Variants in ZNF91 observed in about 807,000 individuals in gnomAD.
ZNF91 encodes zinc finger protein 91 (HPF7, HTF10).
ZNF91 carries 7 observed loss-of-function variants against 12.6 expected under a neutral mutation model. That is an observed-to-expected ratio of 0.55 (90% confidence interval 0.31 to 1.04). The LOEUF (loss-of-function observed/expected upper bound fraction) is 1.04. Ranked by LOEUF, ZNF91 falls within the 50% of genes least tolerant of loss-of-function variation. The pLI, the probability that ZNF91 is intolerant of heterozygous loss-of-function variation, is 0.05. For missense variants in ZNF91, 1,217 were observed against 1,385.4 expected (o/e 0.88, Z 1.93); for synonymous variants, 453 against 462.6 (o/e 0.98, Z 0.27).
intron 3 of ZNF91, among the ~76,000 whole-genome samples, chr19:23,368,510 A>ATCTCTCTCTCTCTC (rs573590418): frequency 2.5e-4 from 24 of 94,324 alleles, no homozygotes; most frequent in Non-Finnish European, 4.2e-4. Flanking sequence ...GCGAAACTCC[A>ATCTCTCTCTCTCTC]TCTCTCTCTC....
chr19:23,368,275 G>C (rs1216178631), intron 3 of ZNF91, among the ~76,000 whole-genome samples: 1 of 152,108 alleles, frequency 6.6e-6, no homozygotes, highest in Admixed American at 6.5e-5. Context: ...ACTTTGGGAG[G>C]CTGAGATAGG....
upstream of ZNF91, among the ~76,000 whole-genome samples, chr19:23,314,248 T>A (rs532107789): frequency 5.3e-4 from 80 of 152,286 alleles, no homozygotes; most frequent in African/African-American, 1.7e-3. Flanking sequence ...GGACCCATTA[T>A]CTATTTGATG....
intron 1 of ZNF91, among the ~76,000 whole-genome samples, chr19:23,321,041 T>C (rs1967682288): frequency 6.6e-6 from 1 of 152,196 alleles, no homozygotes; most frequent in African/African-American, 2.4e-5. Flanking sequence ...ACAGTTGAGA[T>C]TGTGACTCAT....
At chr19:23,363,476 A>G (rs1045975050) in intron 3 of ZNF91, among the ~76,000 whole-genome samples, 1 of 152,224 alleles carries the variant, frequency 6.6e-6, no homozygotes, top group Admixed American at 6.5e-5. Flanking sequence ...ACTCTTAATT[A>G]AGACATAAAC....
chr19:23,349,441 T>C (rs977307836), intron 3 of ZNF91, among the ~76,000 whole-genome samples: 2 of 152,200 alleles, frequency 1.3e-5, no homozygotes, highest in African/African-American at 2.4e-5. Context: ...GTTCCCCCGA[T>C]AGCCAAACTT....
At chr19:23,368,385 C>T (rs1031529455) in intron 3 of ZNF91, among the ~76,000 whole-genome samples, 2 of 151,846 alleles carry the variant, frequency 1.3e-5, no homozygotes, top group East Asian at 2.0e-4. Context: ...CGGGGCGGCA[C>T]GTGCCTGTAG....
intron 1 of ZNF91, chr19:23,380,263 T>G (rs1969656941): frequency 4.2e-5 from 1 of 23,636 alleles, no homozygotes; most frequent in Non-Finnish European, 7.6e-5. Flanking sequence ...GGAAAATCCG[T>G]CTCAAAAAAA....
chr19:23,362,148 C>T lies in ZNF91; in HGVS notation c.831G>A (p.Trp277Ter). 6.2e-7 allele frequency: 1 copy of T among 1,613,498 alleles called. No homozygotes were observed. The change falls in exon 4 of 4, where the codon TGG (tryptophan) becomes TGA (stop). Residue 277 changes from tryptophan to a stop codon, truncating the protein, a stop_gained. Transcript: ENST00000300619. LOFTEE classifies it low-confidence loss of function (END_TRUNC). ...TCTTATGTCTAGTTAGGGTTGAGGACCATAGAAATGCTTTGCCACATTCTT... is the reference window on the plus strand; with the variant it reads ...TCTTATGTCTAGTTAGGGTTGAGGATCATAGAAATGCTTTGCCACATTCTT... ...KCEECGKAFLWSSTLTRHKRI... is the reference protein window; with the variant it reads ...KCEECGKAFL
At chr19:23,333,277 ATAGGT>A (rs1200698162) in intron 1 of ZNF91, among the ~76,000 whole-genome samples, 1 of 152,162 alleles carries the variant, frequency 6.6e-6, no homozygotes, top group Non-Finnish European at 1.5e-5. Context: ...GTTTGTTATA[ATAGGT>A]TATTGTTACT....
intron 1 of ZNF91, among the ~76,000 whole-genome samples, chr19:23,382,966 A>G (rs941815588): frequency 6.6e-6 from 1 of 152,218 alleles, no homozygotes; most frequent in African/African-American, 2.4e-5. Flanking sequence ...TTAAGAAATT[A>G]AGAAAAAGTA....
chr19:23,329,851 G>T (rs1967895848), intron 1 of ZNF91, among the ~76,000 whole-genome samples: 1 of 152,280 alleles, frequency 6.6e-6, no homozygotes, highest in East Asian at 1.9e-4. Context: ...ATGCAACTCA[G>T]GGAGACAGCA....
intron 1 of ZNF91, among the ~76,000 whole-genome samples, chr19:23,383,050 T>A (rs1969771765): frequency 6.6e-6 from 1 of 152,148 alleles, no homozygotes; most frequent in African/African-American, 2.4e-5. Context: ...AACAAACCAA[T>A]AAAATTCAGG....
chr19:23,325,535 C>T (rs1967819925), intron 1 of ZNF91: 1 of 152,166 alleles, frequency 6.6e-6, no homozygotes. Context: ...ATCTTGATCA[C>T]ACTACAAGTC....
At chr19:23,333,249 T>C (rs1967955374) in intron 1 of ZNF91, among the ~76,000 whole-genome samples, 1 of 152,232 alleles carries the variant, frequency 6.6e-6, no homozygotes. Flanking sequence ...GCCCAACGCC[T>C]TGAGAACAGG....
intron 3 of ZNF91, among the ~76,000 whole-genome samples, chr19:23,369,281 C>T (rs913934900): frequency 9.9e-5 from 15 of 151,844 alleles, no homozygotes; most frequent in Non-Finnish European, 2.2e-4. Context: ...TTGCACTCCA[C>T]CCTGGGCGAC....
At chr19:23,368,032 C>T (rs955984108) in intron 3 of ZNF91, among the ~76,000 whole-genome samples, 11 of 151,984 alleles carry the variant, frequency 7.2e-5, no homozygotes, top group African/African-American at 2.4e-4. Flanking sequence ...GCCTCAGCCA[C>T]CCGAGTAGCT....
intron 3 of ZNF91, among the ~76,000 whole-genome samples, chr19:23,369,494 G>T (rs1163834375): frequency 2.6e-5 from 4 of 152,088 alleles, no homozygotes; most frequent in Admixed American, 2.0e-4. Flanking sequence ...CCACCACCCC[G>T]TCTGGGAGGT....
chr19:23,336,711 A>C (rs1968015324), downstream of ZNF91, among the ~76,000 whole-genome samples: 1 of 152,158 alleles, frequency 6.6e-6, no homozygotes. Context: ...TTAAAAGGAA[A>C]ACTTTACCAA....
intron 1 of ZNF91, chr19:23,326,794 A>G (rs1330483184): frequency 6.6e-6 from 1 of 152,210 alleles, no homozygotes; most frequent in Non-Finnish European, 1.5e-5. Flanking sequence ...TGCAAGGTGG[A>G]AAAGATTTTG....
Sources: gnomAD v4.1 joint callset for allele counts (sites outside exome capture counted in the v4.1 genomes callset) on GRCh38, gnomAD v4.1.1 for gene constraint, MANE v1.5 for transcripts, NCBI Gene and HGNC (gene_info 2026-07-23, HGNC 2026-07-21) for gene names.